Variants in TATDN2 observed in about 807,000 individuals in gnomAD.
TATDN2 encodes TatD DNase domain containing 2, also known as 3'-5' RNA nuclease TATDN2.
Under a neutral mutation model 60.3 loss-of-function variants are expected in TATDN2, and 44 were observed. The ratio of observed to expected loss-of-function variants is 0.73; its 90% CI spans 0.57 to 0.94. TATDN2 has a LOEUF of 0.94. Among genes scored for constraint, TATDN2 ranks in the 40% least tolerant of loss-of-function variants. TATDN2 has a pLI of 0.00. For missense variants in TATDN2, 997 were observed against 948.0 expected, an observed-to-expected ratio of 1.05 and a Z score of -0.68; for synonymous variants, 399 against 355.8, an observed-to-expected ratio of 1.12 and a Z score of -1.37.
intron 3 of TATDN2, among the ~76,000 whole-genome samples, chr3:10,266,967 A>G (rs1005545467): frequency 7.6e-5 from 10 of 131,926 alleles, no homozygotes; most frequent in Non-Finnish European, 1.6e-4. Context: ...GTCTTGCTCT[A>G]TCACCCAGGT....
At chr3:10,260,017 T>G (rs1254774450) in intron 2 of TATDN2, 120 bp from the exon 3 acceptor site, 3 of 1,213,548 alleles carry the variant, frequency 2.5e-6, no homozygotes, top group African/African-American at 1.5e-5. Flanking sequence ...AACCTTTGCC[T>G]TAGCCACAGT....
chr3:10,249,082 C>T lies in TATDN2; in HGVS notation c.-7+15C>T, dbSNP rs907530212. On this transcript the variant is annotated intron_variant, in intron 1 of 7. Transcript: ENST00000448281. ...AAGAGGGAAAGGTCAGTGAGGCTAG[C>T]CCCTGGCTCTGCCCTTATGTCTTGC... 1.1e-5 allele frequency: 14 copies of T among 1,238,086 alleles called. No individual in the cohort carries two copies. The highest frequency in any genetic ancestry group is 1.7e-5 in the South Asian group (1 of 59,400). The allele number at this position is 1,238,086 out of a possible 1,614,324, so 76.7% of individuals were successfully genotyped here.
chr3:10,259,169 G>A (rs1336032887), intron 2 of TATDN2, among the ~76,000 whole-genome samples: 4 of 152,154 alleles, frequency 2.6e-5, no homozygotes, highest in Admixed American at 6.5e-5. Flanking sequence ...ACCGCGCCCC[G>A]TGTGTTTTAT....
intron 3 of TATDN2, among the ~76,000 whole-genome samples, chr3:10,263,488 C>T (rs1016778828): frequency 6.6e-6 from 1 of 151,900 alleles, no homozygotes; most frequent in Non-Finnish European, 1.5e-5. Flanking sequence ...TGCCTTTCTC[C>T]CTTGTTTCTA....
intron 2 of TATDN2, 111 bp downstream of exon 2, chr3:10,249,725 T>C: frequency 7.9e-7 from 1 of 1,257,946 alleles, no homozygotes; most frequent in East Asian, 3.0e-5. Flanking sequence ...TCCTTGAAGG[T>C]CTGGAAGGTC....
chr3:10,279,057 A>G lies in TATDN2; in HGVS notation c.*32A>G. The G allele has an allele frequency of 6.3e-7, 1 of 1,598,518 alleles. No individual in the cohort carries two copies. Among genetic ancestry groups the G allele is most frequent in the Non-Finnish European group, 8.5e-7 (1 of 1,174,766 alleles). Reference sequence around the variant, plus strand: ...AAGGTACAGTCCTCGGGAGTCTCCTAGAAAAGGTCGTAAAACTCACATTCT... The same window carrying G: ...AAGGTACAGTCCTCGGGAGTCTCCTGGAAAAGGTCGTAAAACTCACATTCT... On this transcript the variant is annotated 3_prime_UTR_variant, in exon 7 of 8. Transcript: ENST00000448281.
At chr3:10,255,515 AT>A (rs57346004) in intron 2 of TATDN2, among the ~76,000 whole-genome samples, 4,617 of 148,678 alleles carry the variant, frequency 0.031, 231 homozygotes, top group African/African-American at 0.11. Flanking sequence ...TATACTCCTA[AT>A]TTTTTTTTTT....
intron 2 of TATDN2, among the ~76,000 whole-genome samples, chr3:10,251,585 C>G (rs1698232894): frequency 1.3e-5 from 2 of 152,112 alleles, no homozygotes; most frequent in South Asian, 4.2e-4. Context: ...GGGGTTTCGC[C>G]TTGTTGGCCA....
At position 10,263,016 on chromosome 3, in the gene TATDN2, T is replaced by TA. The variant is rs1270514283; in HGVS notation, c.948+2346_948+2347insA. Among the ~76,000 whole-genome samples the TA allele has an allele frequency of 2.0e-5, 3 of 152,252 alleles. No homozygotes were observed. The East Asian group carries it at 5.8e-4, about 29-fold the overall frequency. On this transcript the variant is annotated intron_variant, in intron 3 of 7. Transcript: ENST00000448281. ...CCCAGGTTCAAGCGATTCTCCTGCCTCAGCCTTGTGAGTAGCTGGGATTAC... is the reference window on the plus strand; with the variant it reads ...CCCAGGTTCAAGCGATTCTCCTGCCTACAGCCTTGTGAGTAGCTGGGATTAC...
rs749433005 is a variant in TATDN2 at position 10,278,706 on chromosome 3, G to A, written c.2146-179G>A. 10 of 1,058,662 alleles carry A rather than the reference G, an allele frequency of 9.4e-6. No individual in the cohort carries two copies. The highest frequency in any genetic ancestry group is 1.6e-5 in the African/African-American group (1 of 63,758). The allele number at this position is 1,058,662 out of a possible 1,614,324, so 65.6% of individuals were successfully genotyped here. A position where few individuals can be genotyped will look rare whatever the true frequency, so the allele number is the denominator to read the frequency against. The stretch of plus-strand genomic sequence containing the variant: ...CCTGTAGAGGGTAGTCCAAGGAAGC[G>A]TGGGACCCTGCTCACCCAGAGCCCC... On this transcript the variant is annotated intron_variant, in intron 6 of 7. Coordinates refer to ENST00000448281, the MANE Select transcript of TATDN2 (RefSeq NM_014760.4). The surrounding 1 kb of genome is among the most constrained non-coding windows in gnomAD (Gnocchi z 4.7).
Position 10,270,951 on chromosome 3 carries a change from C to T in TATDN2, c.1769C>T (p.Ala590Val). 1 of 1,613,322 alleles carries T rather than the reference C, an allele frequency of 6.2e-7. No homozygotes were observed. Among genetic ancestry groups the T allele is most frequent in the Non-Finnish European group, 8.5e-7 (1 of 1,179,630 alleles). Residue 590 changes from alanine to valine, a missense_variant, in exon 4 of 8, where the codon GCA (alanine) becomes GTA (valine). Ala to Val is a moderately conservative substitution (Grantham distance 64, BLOSUM62 0). Coordinates refer to ENST00000448281, the MANE Select transcript of TATDN2 (RefSeq NM_014760.4). ...GCCTTAAGGCACCCTAAGGCTGTGG[C>T]ATTTGGAGAAATGGGCTTGGATTAC... ...LQALRHPKAV[A>V]FGEMGLDYSY...
intron 4 of TATDN2, 134 bp downstream of exon 4, chr3:10,271,149 C>T: frequency 8.8e-7 from 1 of 1,130,556 alleles, no homozygotes; most frequent in Admixed American, 3.2e-5. Flanking sequence ...TTGCTCTCAT[C>T]CAGACCATCT....
At position 10,278,255 on chromosome 3, in the gene TATDN2, C is replaced by G; in HGVS notation, c.1962-24C>G. The stretch of plus-strand genomic sequence containing the variant: ...TGCTGCAGAGGGGACTGTGAGCAGC[C>G]CTGATGTGGAGTTCTGTCTCCAGGC... On this transcript the variant is annotated intron_variant, in intron 5 of 7. Transcript: ENST00000448281. The surrounding 1 kb of genome is among the most constrained non-coding windows in gnomAD (Gnocchi z 4.7). 6.2e-7 allele frequency: 1 copy of G among 1,608,642 alleles called. No individual in the cohort carries two copies. Among genetic ancestry groups the G allele is most frequent in the Non-Finnish European group, 8.5e-7 (1 of 1,176,702 alleles).
chr3:10,264,718 AC>A (rs1338812405), intron 3 of TATDN2, among the ~76,000 whole-genome samples: 3 of 150,162 alleles, frequency 2.0e-5, no homozygotes, highest in Non-Finnish European at 3.0e-5. Context: ...TCACTCTGCC[AC>A]CCAGGCTGGA....
intron 4 of TATDN2, among the ~76,000 whole-genome samples, chr3:10,274,675 G>C (rs1400726433): frequency 1.3e-5 from 2 of 152,164 alleles, no homozygotes; most frequent in African/African-American, 4.8e-5. Context: ...ATTGATAGTG[G>C]AACTGGCCAG....
intron 2 of TATDN2, among the ~76,000 whole-genome samples, chr3:10,254,442 C>T (rs1047038966): frequency 6.6e-6 from 1 of 152,314 alleles, no homozygotes; most frequent in African/African-American, 2.4e-5. Flanking sequence ...CCTCCCTTCT[C>T]TCATCCGTGC....
Position 10,270,614 on chromosome 3 carries a change from G to A in TATDN2, c.1432G>A (p.Ala478Thr), listed in dbSNP as rs557665159. Residue 478 changes from alanine to threonine, a missense_variant, in exon 4 of 8, where the codon GCA becomes ACA. Ala to Thr is a moderately conservative substitution (Grantham distance 58, BLOSUM62 0). Coordinates refer to ENST00000448281, the MANE Select transcript of TATDN2 (RefSeq NM_014760.4). The part of the protein sequence containing the change: ...EMPPRPCGGH[A>T]SSSLPKSHLE... ...GCCTCCGCGTCCTTGTGGAGGACAC[G>A]CATCCAGCTCCCTGCCAAAGAGCCA... 36 of 1,614,128 alleles carry A rather than the reference G, an allele frequency of 2.2e-5. No homozygotes were observed. The highest frequency in any genetic ancestry group is 1.5e-4 in the Admixed American group (9 of 60,010).
Position 10,280,778 on chromosome 3 carries a change from G to C in TATDN2, c.*1596G>C, listed in dbSNP as rs898601574. ...GCAGATTGGCCCATGTGGGAAGTCGGGGGGGACCTGATTTCCTGCTTGGAA... is the reference window on the plus strand; with the variant it reads ...GCAGATTGGCCCATGTGGGAAGTCGCGGGGGACCTGATTTCCTGCTTGGAA... On this transcript the variant is annotated 3_prime_UTR_variant, in exon 8 of 8. Coordinates refer to ENST00000448281, the MANE Select transcript of TATDN2 (RefSeq NM_014760.4). The C allele has an allele frequency of 3.9e-5, 6 of 154,078 alleles. No homozygotes were observed. Among genetic ancestry groups the C allele is most frequent in the African/African-American group, 1.2e-4 (5 of 41,570 alleles). The allele number at this position is 154,078 out of a possible 1,614,324, so 9.5% of individuals were successfully genotyped here.
chr3:10,257,313 T>C (rs1479304735), intron 2 of TATDN2, among the ~76,000 whole-genome samples: 1 of 146,558 alleles, frequency 6.8e-6, no homozygotes. Flanking sequence ...TATATATATA[T>C]GAATTCCTTA....
Sources: allele counts gnomAD v4.1 joint callset (sites outside exome capture counted in the v4.1 genomes callset), GRCh38; gene constraint gnomAD v4.1.1; non-coding constraint Gnocchi (gnomAD v3.1); transcripts MANE v1.5; gene names NCBI Gene and HGNC (gene_info 2026-07-23, HGNC 2026-07-21).